The following STAG1 variants were observed in gnomAD, a reference collection of about 807,000 sequenced individuals.
The protein encoded by STAG1 is cohesin subunit SA-1.
A neutral mutation model predicts 170.9 loss-of-function variants in STAG1; 26 were observed. The ratio of observed to expected loss-of-function variants is 0.15; its 90% confidence interval spans 0.11 to 0.21. The LOEUF (loss-of-function observed/expected upper bound fraction) is 0.21, where lower values mean the gene tolerates loss of function less well. STAG1 is among the 10% of genes least tolerant of loss of function. The probability of loss-of-function intolerance (pLI) is 1.00; values close to 1 mark genes in which losing one functional copy is unlikely to be tolerated. For missense variants in STAG1, 964 were observed against 1,509.5 expected (o/e 0.64, Z 5.99); for synonymous variants, 514 against 497.7 (o/e 1.03, Z -0.44).
intron 5 of STAG1, among the ~76,000 whole-genome samples, chr3:136,545,033 A>G (rs1035421096): frequency 6.6e-6 from 1 of 151,970 alleles, no homozygotes; most frequent in South Asian, 2.1e-4. Context: ...TTTTATTGTC[A>G]TCTAACTTTT....
intron 7 of STAG1, among the ~76,000 whole-genome samples, chr3:136,512,615 A>C (rs1934126293): frequency 6.6e-6 from 1 of 152,134 alleles, no homozygotes; most frequent in African/African-American, 2.4e-5. Context: ...GTGTTTCTTC[A>C]TTCTATCTAA....
chr3:136,434,156 T>G (rs2088389062), intron 15 of STAG1, among the ~76,000 whole-genome samples: 1 of 152,162 alleles, frequency 6.6e-6, no homozygotes, highest in African/African-American at 2.4e-5. Context: ...TGAACAATGC[T>G]TCAATAAACA....
intron 22 of STAG1, among the ~76,000 whole-genome samples, chr3:136,388,584 A>G (rs1442417135): frequency 1.3e-5 from 2 of 152,072 alleles, no homozygotes; most frequent in East Asian, 3.9e-4. Context: ...GGTCAGGCTC[A>G]TCTCGAACTC....
chr3:136,477,913 C>A (rs954067961), intron 9 of STAG1, among the ~76,000 whole-genome samples: 2 of 152,058 alleles, frequency 1.3e-5, no homozygotes, highest in Non-Finnish European at 2.9e-5. Context: ...CCTCAGCCAC[C>A]CAAGTAGCTG....
At chr3:136,478,738 A>G (rs903576956) in intron 9 of STAG1, among the ~76,000 whole-genome samples, 3 of 152,196 alleles carry the variant, frequency 2.0e-5, no homozygotes, top group Admixed American at 6.5e-5. Flanking sequence ...TTTCCAAGCC[A>G]TACTGCCAAT....
intron 9 of STAG1, among the ~76,000 whole-genome samples, chr3:136,481,743 T>A (rs1323068863): frequency 9.6e-6 from 1 of 104,708 alleles, no homozygotes; most frequent in Non-Finnish European, 1.9e-5. Context: ...TATTGATTAT[T>A]GCCTCAATTT....
At chr3:136,472,371 T>G in intron 12 of STAG1, 42 bp downstream of exon 12, 2 of 1,450,726 alleles carry the variant, frequency 1.4e-6, no homozygotes, top group Admixed American at 3.5e-5. Context: ...GAAAAGGTAT[T>G]AAAATATCAA....
intron 14 of STAG1, 29 bp from the exon 15 acceptor site, chr3:136,443,433 A>G (rs752786586): frequency 7.0e-7 from 1 of 1,434,104 alleles, no homozygotes; most frequent in Admixed American, 1.9e-5. Context: ...GTGTGACCAA[A>G]GAATATTTAA....
intron 13 of STAG1, among the ~76,000 whole-genome samples, chr3:136,455,328 A>G (rs1005195365): frequency 1.2e-4 from 19 of 152,182 alleles, no homozygotes; most frequent in African/African-American, 4.6e-4. Flanking sequence ...GAATCAAGAA[A>G]CTATGATTAG....
At position 136,447,143 on chromosome 3, in the gene STAG1, C is replaced by T. The variant is rs573002650; in HGVS notation, c.1429-3739G>A. 2.4e-4 allele frequency among the ~76,000 whole-genome samples: 36 copies of T among 151,448 alleles called. No homozygotes were observed. In the South Asian group the frequency reaches 4.9e-3, roughly 21 times the overall value. On this transcript the variant is annotated intron_variant, in intron 14 of 33. Transcript: ENST00000383202. ...CTTAAAAATATCGATAAGAAGCTGT[C>T]AATTTTCCTGTCTTAAATGACTGTC...
At chr3:136,599,565 A>G (rs538169131) in intron 4 of STAG1, among the ~76,000 whole-genome samples, 1 of 151,826 alleles carries the variant, frequency 6.6e-6, no homozygotes, top group African/African-American at 2.4e-5. Context: ...TAAATCCTTC[A>G]TCTCTTTTCT....
chr3:136,534,544 T>C (rs1405996308), intron 6 of STAG1, among the ~76,000 whole-genome samples: 1 of 149,984 alleles, frequency 6.7e-6, no homozygotes, highest in Admixed American at 6.6e-5. Flanking sequence ...AATAAACAAC[T>C]CAACAATGAA....
At chr3:136,489,583 A>C (rs2090081865) in intron 9 of STAG1, among the ~76,000 whole-genome samples, 1 of 152,216 alleles carries the variant, frequency 6.6e-6, no homozygotes, top group African/African-American at 2.4e-5. Flanking sequence ...CACACTCTCT[A>C]AATTGCAGCA....
At chr3:136,432,722 G>T (rs148838555) in intron 16 of STAG1, among the ~76,000 whole-genome samples, 1 of 152,186 alleles carries the variant, frequency 6.6e-6, no homozygotes, top group Non-Finnish European at 1.5e-5. Flanking sequence ...GGCCAGGCTG[G>T]TCTTGAACTC....
At chr3:136,524,213 A>G (rs554338892) in intron 6 of STAG1, among the ~76,000 whole-genome samples, 7 of 152,064 alleles carry the variant, frequency 4.6e-5, no homozygotes, top group Non-Finnish European at 8.8e-5. Flanking sequence ...GATATTGATT[A>G]TTCCTATCCA....
At chr3:136,430,806 G>GACACACACAC (rs35492621) in intron 16 of STAG1, among the ~76,000 whole-genome samples, 1,651 of 131,090 alleles carry the variant, frequency 0.013, 28 homozygotes, top group Non-Finnish European at 0.016. Flanking sequence ...GACATAGACA[G>GACACACACAC]ACACACACAC....
At chr3:136,613,109 TGGCTA>T (rs1939385288) in intron 3 of STAG1, among the ~76,000 whole-genome samples, 1 of 151,866 alleles carries the variant, frequency 6.6e-6, no homozygotes, top group Admixed American at 6.6e-5. Flanking sequence ...GAGACTATCC[TGGCTA>T]ACATGGTGAA....
intron 7 of STAG1, among the ~76,000 whole-genome samples, chr3:136,516,053 G>A (rs1453848776): frequency 6.6e-6 from 1 of 152,004 alleles, no homozygotes; most frequent in East Asian, 1.9e-4. Context: ...AATACAAAAA[G>A]GAAGAGCAAT....
At chr3:136,513,356 CA>C (rs377711912) in intron 7 of STAG1, among the ~76,000 whole-genome samples, 1,762 of 137,270 alleles carry the variant, frequency 0.013, 20 homozygotes, top group African/African-American at 0.045. Flanking sequence ...GACCCCGTCT[CA>C]AAAAAAAAAG....
Sources: allele counts gnomAD v4.1 joint callset (sites outside exome capture counted in the v4.1 genomes callset), GRCh38; gene constraint gnomAD v4.1.1; transcripts MANE v1.5; gene names NCBI Gene and HGNC (gene_info 2026-07-23, HGNC 2026-07-21).